Variants in CLCN6 observed in about 807,000 individuals in gnomAD.
CLCN6 encodes the protein Cl-/H+ antiporter 6, also known as H(+)/Cl(-) exchange transporter 6.
CLCN6 carries 70 observed loss-of-function variants against 109.8 expected under a neutral mutation model. The ratio of observed to expected loss-of-function variants is 0.64; its 90% CI spans 0.53 to 0.78. The LOEUF is 0.78. Among genes scored for constraint, CLCN6 ranks in the 30% least tolerant of loss-of-function variants. The pLI is 0.00. For missense variants in CLCN6, 984 were observed against 1,142.3 expected, an observed-to-expected ratio of 0.86 and a Z score of 2.00; for synonymous variants, 444 against 447.8, an observed-to-expected ratio of 0.99 and a Z score of 0.11.
Position 11,829,245 on chromosome 1 carries a change from G to A in CLCN6, c.1171G>A (p.Val391Met), listed in dbSNP as rs374620241. ...TCTGGTAACCACCGTGGTGGTGTTT[G>A]TGGCCTCGATGGTGTTAGGAGAATG... Reference protein sequence around the residue: ...VSLVTTVVVFVASMVLGECRQ... With the variant: ...VSLVTTVVVFMASMVLGECRQ... Residue 391 changes from valine to methionine, a missense_variant, in exon 13 of 23, where the codon GTG becomes ATG. Physicochemically the swap from Val to Met is conservative, Grantham distance 21. Coordinates refer to ENST00000346436, the MANE Select transcript of CLCN6 (RefSeq NM_001286.5). The A allele has an allele frequency of 1.2e-6, 2 of 1,614,150 alleles. No individual in the cohort carries two copies. Among genetic ancestry groups the A allele is most frequent in the Non-Finnish European group, 1.7e-6 (2 of 1,180,010 alleles).
chr1:11,824,679 T>G, intron 8 of CLCN6, 126 bp downstream of exon 8: 1 of 612,962 alleles, frequency 1.6e-6, no homozygotes, highest in Non-Finnish European at 2.7e-6. Flanking sequence ...GCTTCACGTG[T>G]AAACCATGTG....
Position 11,828,561 on chromosome 1 carries a change from G to C in CLCN6, c.1058G>C (p.Cys353Ser), listed in dbSNP as rs745893586. Residue 353 changes from cysteine to serine, a missense_variant, in exon 12 of 23, where the codon TGT becomes TCT. Transcript: ENST00000346436. ...IGGLLGATFN[C>S]LNKRLAKYRM... ...GGCCTCCTGGGAGCCACATTCAACTGTCTGAACAAGAGGCTTGCAAAGTAC... is the reference window on the plus strand; with the variant it reads ...GGCCTCCTGGGAGCCACATTCAACTCTCTGAACAAGAGGCTTGCAAAGTAC... The C allele has an allele frequency of 1.2e-5, 19 of 1,614,046 alleles. No individual in the cohort carries two copies. The highest frequency in any genetic ancestry group is 2.2e-5 in the East Asian group (1 of 44,896).
chr1:11,817,774 C>T (rs538877933), intron 4 of CLCN6, among the ~76,000 whole-genome samples: 13 of 152,218 alleles, frequency 8.5e-5, no homozygotes, highest in African/African-American at 2.7e-4. Context: ...CACATGTGTT[C>T]GGTATAATAT....
At position 11,834,454 on chromosome 1, in the gene CLCN6, C is replaced by G; in HGVS notation, c.1687-30C>G. On this transcript the variant is annotated intron_variant, in intron 16 of 22. Coordinates refer to ENST00000346436, the MANE Select transcript of CLCN6 (RefSeq NM_001286.5). The surrounding 1 kb of genome is among the most constrained non-coding windows in gnomAD (Gnocchi z 4.5). ...CAGGGCCACGTCCGCCCCACAGGAC[C>G]TATTTTTAGGTCTTTGCTTTGTGTT... 2 of 1,613,684 alleles carry G rather than the reference C, an allele frequency of 1.2e-6. No individual in the cohort carries two copies. Among genetic ancestry groups the G allele is most frequent in the East Asian group, 2.2e-5 (1 of 44,880 alleles).
chr1:11,839,133 G>A, intron 22 of CLCN6: 1 of 580,968 alleles, frequency 1.7e-6, no homozygotes, highest in Non-Finnish European at 3.1e-6. Flanking sequence ...ACACAAATAT[G>A]ATTTCATTGT....
At position 11,840,341 on chromosome 1, in the gene CLCN6, A is replaced by G; in HGVS notation, c.*118A>G. ...AAGATTCCCAGTCACCCACTCACTC[A>G]GAAAGCCGGGAGTCATCGGACACCT... On this transcript the variant is annotated 3_prime_UTR_variant, in exon 23 of 23. Transcript: ENST00000346436. The G allele has an allele frequency of 2.2e-6, 2 of 919,494 alleles. No homozygotes were observed. Among genetic ancestry groups the G allele is most frequent in the Non-Finnish European group, 3.5e-6 (2 of 567,892 alleles). The allele number at this position is 919,494 out of a possible 1,614,324, so 57.0% of individuals were successfully genotyped here.
intron 2 of CLCN6, among the ~76,000 whole-genome samples, chr1:11,813,449 A>G (rs138252948): frequency 0.1 from 14,933 of 148,940 alleles, 785 homozygotes; most frequent in South Asian, 0.16. Flanking sequence ...GGAGTGCAGT[A>G]GCACAATCTC....
intron 6 of CLCN6, 51 bp downstream of exon 6, chr1:11,822,852 A>G (rs1162051903): frequency 1.7e-6 from 2 of 1,151,448 alleles, no homozygotes; most frequent in African/African-American, 1.5e-5. Flanking sequence ...AGAGTCCCGC[A>G]CTCCTTTTCC....
chr1:11,836,197 G>A lies in CLCN6; in HGVS notation c.1980+44G>A, dbSNP rs150938018. ...GAGGAAAGGCAGGTGAGAGACAAGCGGTCCCGTCTCACACGGCTTAGTGCT... is the reference window on the plus strand; with the variant it reads ...GAGGAAAGGCAGGTGAGAGACAAGCAGTCCCGTCTCACACGGCTTAGTGCT... On this transcript the variant is annotated intron_variant, in intron 18 of 22. Coordinates refer to ENST00000346436, the MANE Select transcript of CLCN6 (RefSeq NM_001286.5). 619 of 1,564,554 alleles carry A rather than the reference G, an allele frequency of 4.0e-4. No homozygotes were observed. In the African/African-American group the frequency reaches 7.0e-3, roughly 18 times the overall value.
chr1:11,826,949 CTCACCA>C, intron 9 of CLCN6, 134 bp from the exon 10 acceptor site: 1 of 1,046,366 alleles, frequency 9.6e-7, no homozygotes, highest in Non-Finnish European at 1.4e-6. Context: ...CAAAGGCTGC[CTCACCA>C]GTGACCTGCC....
intron 2 of CLCN6, among the ~76,000 whole-genome samples, chr1:11,811,095 C>G (rs952075957): frequency 2.0e-5 from 3 of 151,996 alleles, no homozygotes; most frequent in Non-Finnish European, 2.9e-5. Flanking sequence ...CCTGTGGTCC[C>G]CCCTACTCAG....
Position 11,828,487 on chromosome 1 carries a change from CTG to C in CLCN6, c.985_986del (p.Trp329AspfsTer42). 3 of 1,614,182 alleles carry C rather than the reference CTG, an allele frequency of 1.9e-6. No homozygotes were observed. Among genetic ancestry groups the C allele is most frequent in the Non-Finnish European group, 1.7e-6 (2 of 1,180,044 alleles). On this transcript the variant is annotated frameshift_variant, in exon 12 of 23. Transcript: ENST00000346436. LOFTEE classifies it high-confidence loss of function. The stretch of plus-strand genomic sequence containing the variant: ...CTGACTCTGATAAAAAATGTCATCT[CTG>C]GACAGCTATGGATTTGGGTTTCTTC... ...CSDSDKKCHL[W>X]TAMDLGFFVV...
At chr1:11,817,542 C>T (rs1394045106) in intron 4 of CLCN6, among the ~76,000 whole-genome samples, 4 of 152,108 alleles carry the variant, frequency 2.6e-5, no homozygotes, top group African/African-American at 9.7e-5. Context: ...ATGAGGATAG[C>T]AAAAAGTCTG....
At chr1:11,828,314 A>C in intron 11 of CLCN6, 95 bp downstream of exon 11, 1 of 1,432,554 alleles carries the variant, frequency 7.0e-7, no homozygotes, top group South Asian at 1.2e-5. Flanking sequence ...AGGGCTAGGT[A>C]CAACTTCCAG....
chr1:11,836,932 T>C, intron 18 of CLCN6, 67 bp from the exon 19 acceptor site: 2 of 1,574,732 alleles, frequency 1.3e-6, no homozygotes, highest in Non-Finnish European at 1.7e-6. Flanking sequence ...CCCAAATCCT[T>C]AAGCTCCATC....
intron 12 of CLCN6, 31 bp from the exon 13 acceptor site, chr1:11,829,165 G>A (rs1389790788): frequency 6.2e-7 from 1 of 1,604,124 alleles, no homozygotes; most frequent in Admixed American, 1.7e-5. Flanking sequence ...TTCTTTCTGT[G>A]GCGTTGTAAC....
At chr1:11,825,678 G>A (rs55704119) in intron 8 of CLCN6, among the ~76,000 whole-genome samples, 5 of 152,202 alleles carry the variant, frequency 3.3e-5, no homozygotes, top group East Asian at 1.9e-4. Flanking sequence ...GCTGGAGTGC[G>A]ATGGTGCCAT....
At chr1:11,839,926 T>C (rs1644998120) in intron 22 of CLCN6, among the ~76,000 whole-genome samples, 1 of 152,250 alleles carries the variant, frequency 6.6e-6, no homozygotes, top group African/African-American at 2.4e-5. Flanking sequence ...TTAGTTCAGA[T>C]GCCAGCTGGC....
intron 7 of CLCN6, among the ~76,000 whole-genome samples, 196 bp downstream of exon 7, chr1:11,824,029 C>G (rs1262917521): frequency 6.6e-6 from 1 of 152,226 alleles, no homozygotes; most frequent in Non-Finnish European, 1.5e-5. Context: ...CAAACACACT[C>G]TTCAGTTTTG....
Sources: allele counts gnomAD v4.1 joint callset (sites outside exome capture counted in the v4.1 genomes callset), GRCh38; gene constraint gnomAD v4.1.1; non-coding constraint Gnocchi (gnomAD v3.1); transcripts MANE v1.5; gene names NCBI Gene and HGNC (gene_info 2026-07-23, HGNC 2026-07-21).